RORB: variants seen among roughly 807,000 people sequenced by gnomAD.
RORB encodes nuclear receptor ROR-beta.
A neutral mutation model predicts 59.1 loss-of-function variants in RORB; 6 were observed. The ratio of observed to expected loss-of-function variants is 0.10; its 90% CI spans 0.06 to 0.20. The LOEUF (loss-of-function observed/expected upper bound fraction) is 0.20. Ranked by LOEUF, RORB falls within the 10% of genes least tolerant of loss-of-function variation. RORB has a pLI of 1.00. For missense variants in RORB, 320 were observed against 560.5 expected, an observed-to-expected ratio of 0.57 and a Z score of 4.33; for synonymous variants, 215 against 204.5, an observed-to-expected ratio of 1.05 and a Z score of -0.44.
At chr9:74,534,308 T>C (rs1261864921) in intron 1 of RORB, among the ~76,000 whole-genome samples, 1 of 151,978 alleles carries the variant, frequency 6.6e-6, no homozygotes, top group Admixed American at 6.6e-5. Flanking sequence ...TGGCCTGATA[T>C]TATTTCTTTG....
intron 1 of RORB, among the ~76,000 whole-genome samples, chr9:74,518,784 C>T (rs1004718628): frequency 4.6e-5 from 7 of 151,928 alleles, no homozygotes; most frequent in Middle Eastern, 3.2e-3. Flanking sequence ...ATAAGATGTG[C>T]CGCTGGGATG....
At chr9:74,601,647 A>C (rs1472035079) in intron 1 of RORB, among the ~76,000 whole-genome samples, 1 of 152,132 alleles carries the variant, frequency 6.6e-6, no homozygotes, top group Non-Finnish European at 1.5e-5. Flanking sequence ...GATTTCCAAA[A>C]TTTTCAATAT....
chr9:74,632,207 G>A (rs1332335465), intron 2 of RORB, among the ~76,000 whole-genome samples: 1 of 152,082 alleles, frequency 6.6e-6, no homozygotes, highest in East Asian at 1.9e-4. Context: ...AACCCAGCAA[G>A]CCAATAGCCA....
At chr9:74,590,607 C>T (rs1277032120) in intron 1 of RORB, among the ~76,000 whole-genome samples, 2 of 152,150 alleles carry the variant, frequency 1.3e-5, no homozygotes, top group South Asian at 2.1e-4. Context: ...CGAGCTCTTT[C>T]CACGATGTGC....
At chr9:74,607,071 G>A (rs1232092423) in intron 1 of RORB, among the ~76,000 whole-genome samples, 1 of 152,068 alleles carries the variant, frequency 6.6e-6, no homozygotes, top group Non-Finnish European at 1.5e-5. Context: ...GCAGCTTATA[G>A]CCACGTCTCC....
At chr9:74,527,099 G>A (rs2118086651) in intron 1 of RORB, among the ~76,000 whole-genome samples, 1 of 152,098 alleles carries the variant, frequency 6.6e-6, no homozygotes, top group East Asian at 1.9e-4. Flanking sequence ...TGAGAATTTA[G>A]AAACCGTAAG....
At chr9:74,596,991 A>G (rs989872702) in intron 1 of RORB, among the ~76,000 whole-genome samples, 3 of 152,188 alleles carry the variant, frequency 2.0e-5, no homozygotes, top group African/African-American at 7.2e-5. Flanking sequence ...GCATCCCTTC[A>G]TTCCCAGGGA....
At chr9:74,539,025 A>G (rs1826364839) in intron 1 of RORB, among the ~76,000 whole-genome samples, 1 of 152,058 alleles carries the variant, frequency 6.6e-6, no homozygotes, top group South Asian at 2.1e-4. Context: ...AAAAACAAAA[A>G]TCTGACCTAC....
chr9:74,592,810 ATCTC>A lies in RORB; in HGVS notation c.8-37455_8-37452del, dbSNP rs147135870. On this transcript the variant is annotated intron_variant, in intron 1 of 9. Coordinates refer to ENST00000376896, the MANE Select transcript of RORB (RefSeq NM_006914.4). Reference sequence around the variant, plus strand: ...AAACAAGCAATTATCCTCTCTTTCAATCTCTCTCTCTCTCTCTCTCACTCTCACA... The same window carrying A: ...AAACAAGCAATTATCCTCTCTTTCAATCTCTCTCTCTCTCTCACTCTCACA... Among the ~76,000 whole-genome samples the A allele has an allele frequency of 4.5e-3, 673 of 148,276 alleles. 2 individuals carry two copies. The highest frequency in any genetic ancestry group is 0.014 in the African/African-American group (573 of 40,550).
intron 3 of RORB, among the ~76,000 whole-genome samples, chr9:74,636,586 A>G (rs1044891373): frequency 4.6e-5 from 7 of 152,224 alleles, no homozygotes; most frequent in Non-Finnish European, 8.8e-5. Context: ...TCATTGCAGC[A>G]CATAAACCTC....
chr9:74,607,226 T>TTAAGATCCCTTGGGGA (rs1412145035), intron 1 of RORB, among the ~76,000 whole-genome samples: 4 of 152,328 alleles, frequency 2.6e-5, no homozygotes, highest in Admixed American at 6.5e-5. Flanking sequence ...AACTTCCAAG[T>TTAAGATCCCTTGGGGA]TAAGATCCCT....
At chr9:74,617,550 T>C (rs1823333479) in intron 1 of RORB, among the ~76,000 whole-genome samples, 1 of 152,182 alleles carries the variant, frequency 6.6e-6, no homozygotes, top group Non-Finnish European at 1.5e-5. Flanking sequence ...CCATAATATT[T>C]AGGATTATGC....
intron 9 of RORB, among the ~76,000 whole-genome samples, chr9:74,682,319 A>G (rs1372434122): frequency 6.6e-6 from 1 of 150,410 alleles, no homozygotes; most frequent in Non-Finnish European, 1.5e-5. Flanking sequence ...GCATTTGGAG[A>G]TATACCTAAT....
At chr9:74,503,491 C>A (rs1825828885) in intron 1 of RORB, among the ~76,000 whole-genome samples, 1 of 152,008 alleles carries the variant, frequency 6.6e-6, no homozygotes, top group Admixed American at 6.6e-5. Flanking sequence ...AACAGAGCAA[C>A]TTTCCAGAGC....
Position 74,678,914 on chromosome 9 carries a change from C to A in RORB, c.1225-6549C>A, listed in dbSNP as rs956748643. ...CGGCATGGTGGCAAGTGCCTGTAAT[C>A]CCAGCTACTCAGGAGGCTAAGGCAG... On this transcript the variant is annotated intron_variant, in intron 9 of 9. Transcript: ENST00000376896. Among the ~76,000 whole-genome samples the A allele has an allele frequency of 7.9e-5, 12 of 151,866 alleles. 1 individual carries two copies. The highest frequency in any genetic ancestry group is 7.9e-4 in the Admixed American group (12 of 15,238).
chr9:74,639,890 A>G (rs1220388680), intron 3 of RORB, among the ~76,000 whole-genome samples: 4 of 152,250 alleles, frequency 2.6e-5, no homozygotes, highest in Admixed American at 2.6e-4. Context: ...TAAATTGGTT[A>G]GAAAGATGTA....
At chr9:74,597,374 T>C (rs1465250438) in intron 1 of RORB, among the ~76,000 whole-genome samples, 1 of 152,234 alleles carries the variant, frequency 6.6e-6, no homozygotes, top group Admixed American at 6.5e-5. Context: ...AGAGAGGCAC[T>C]GGCCAATACA....
At chr9:74,643,889 A>G (rs1451280403) in intron 4 of RORB, among the ~76,000 whole-genome samples, 1 of 152,222 alleles carries the variant, frequency 6.6e-6, no homozygotes, top group Non-Finnish European at 1.5e-5. Flanking sequence ...AAGTTTCTCA[A>G]TCCCAGTTCC....
chr9:74,615,932 G>A (rs1166488089), intron 1 of RORB, among the ~76,000 whole-genome samples: 1 of 151,996 alleles, frequency 6.6e-6, no homozygotes, highest in East Asian at 1.9e-4. Flanking sequence ...CTAACATTAG[G>A]TTAATCATAT....
Sources: allele counts gnomAD v4.1 joint callset (sites outside exome capture counted in the v4.1 genomes callset), GRCh38; gene constraint gnomAD v4.1.1; transcripts MANE v1.5; gene names NCBI Gene and HGNC (gene_info 2026-07-23, HGNC 2026-07-21).